Variants in SCO1 observed in about 807,000 individuals in gnomAD.
SCO1 encodes the protein synthesis of cytochrome C oxidase 1.
SCO1 carries 23 observed loss-of-function variants against 34.0 expected under a neutral mutation model. The observed-to-expected ratio is 0.68, with a 90% confidence interval of 0.49 to 0.96. The LOEUF (loss-of-function observed/expected upper bound fraction) is 0.96, where lower values mean the gene tolerates loss of function less well. SCO1 is among the 40% of genes least tolerant of loss of function. The pLI is 0.00. For missense variants in SCO1, 404 were observed against 381.6 expected (o/e 1.06, Z -0.49); for synonymous variants, 161 against 145.5 (o/e 1.11, Z -0.77).
rs1291013008 is a variant in SCO1 at position 10,697,517 on chromosome 17, A to T, written c.-10T>A. The T allele has an allele frequency of 6.2e-7, 1 of 1,612,994 alleles. No individual in the cohort carries two copies. Among genetic ancestry groups the T allele is most frequent in the African/African-American group, 1.3e-5 (1 of 74,930 alleles). On this transcript the variant is annotated 5_prime_UTR_variant, in exon 1 of 6. Transcript: ENST00000255390. ...GGACCAGCATCGCCATGAGCCTCGG[A>T]GACCGGGTCTCCTTTGACCCTCCCC...
chr17:10,677,732 G>T lies in SCO1; in HGVS notation c.*3387C>A, dbSNP rs1366861688. 6.6e-6 allele frequency: 1 copy of T among 152,112 alleles called. No homozygotes were observed. The highest frequency in any genetic ancestry group is 1.5e-5 in the Non-Finnish European group (1 of 68,018). 9.4% of individuals were successfully genotyped at this position (152,112 alleles called of 1,614,324 possible). A position where few individuals can be genotyped will look rare whatever the true frequency, so the allele number is the denominator to read the frequency against. On this transcript the variant is annotated 3_prime_UTR_variant, in exon 6 of 6. Transcript: ENST00000255390. ...TCTTATACTTTTCAAATAAACAAGT[G>T]GCATTTCTTAAAATATTAATTCTAT...
Position 10,697,519 on chromosome 17 carries a change from A to T in SCO1, c.-12T>A. ...ACCAGCATCGCCATGAGCCTCGGAG[A>T]CCGGGTCTCCTTTGACCCTCCCCGC... On this transcript the variant is annotated 5_prime_UTR_variant, in exon 1 of 6. Coordinates refer to ENST00000255390, the MANE Select transcript of SCO1 (RefSeq NM_004589.4). 2 of 1,612,994 alleles carry T rather than the reference A, an allele frequency of 1.2e-6. No individual in the cohort carries two copies. Among genetic ancestry groups the T allele is most frequent in the South Asian group, 2.2e-5 (2 of 90,976 alleles).
intron 4 of SCO1, 49 bp from the exon 5 acceptor site, chr17:10,686,891 A>C (rs1473412751): frequency 5.0e-6 from 6 of 1,206,186 alleles, no homozygotes; most frequent in African/African-American, 3.0e-5. Flanking sequence ...CCAGTAAAAC[A>C]ACCATCTCTA....
At chr17:10,681,394 T>G in intron 5 of SCO1, 141 bp from the exon 6 acceptor site, 1 of 932,964 alleles carries the variant, frequency 1.1e-6, no homozygotes, top group Non-Finnish European at 1.7e-6. Context: ...GGAATAGGCT[T>G]AAGTCTATCA....
At chr17:10,695,596 G>A (rs1200196993) in intron 2 of SCO1, 145 bp downstream of exon 2, 2 of 614,264 alleles carry the variant, frequency 3.3e-6, no homozygotes, top group Non-Finnish European at 5.8e-6. Flanking sequence ...CTGGGTGAAA[G>A]GTATGTAGAA....
intron 1 of SCO1, among the ~76,000 whole-genome samples, chr17:10,696,235 G>C (rs945896445): frequency 1.3e-5 from 2 of 151,972 alleles, no homozygotes; most frequent in African/African-American, 4.8e-5. Context: ...ACCTGAGGTC[G>C]GGAGTTTGAG....
Position 10,697,221 on chromosome 17 carries a change from A to C in SCO1, c.273+14T>G. On this transcript the variant is annotated intron_variant, in intron 1 of 5. Coordinates refer to ENST00000255390, the MANE Select transcript of SCO1 (RefSeq NM_004589.4). ...CCGCGACGAGCACCAGAAGGGTTCC[A>C]GGTGTGCACTCACCCCGGGCTTCGA... 1 of 1,533,670 alleles carries C rather than the reference A, an allele frequency of 6.5e-7. No homozygotes were observed. The highest frequency in any genetic ancestry group is 1.4e-5 in the African/African-American group (1 of 73,158).
chr17:10,678,252 GAACA>G lies in SCO1; in HGVS notation c.*2863_*2866del, dbSNP rs775664577. ...TCACCATAAGCGCACGATAGCAGCAGAACAAACAGGAACCTACCTAGAAATTGGG... is the reference window on the plus strand; with the variant it reads ...TCACCATAAGCGCACGATAGCAGCAGAACAGGAACCTACCTAGAAATTGGG... On this transcript the variant is annotated 3_prime_UTR_variant, in exon 6 of 6. Transcript: ENST00000255390. 3.3e-5 allele frequency: 5 copies of G among 152,226 alleles called. No individual in the cohort carries two copies. The highest frequency in any genetic ancestry group is 9.6e-5 in the African/African-American group (4 of 41,454). The allele number at this position is 152,226 out of a possible 1,614,324, so 9.4% of individuals were successfully genotyped here.
rs2662950 is a variant in SCO1, at chr17:10,687,126, G to A, written c.656-284C>T. Among the ~76,000 whole-genome samples the A allele has an allele frequency of 0.04, 6,107 of 152,160 alleles. 402 individuals carry two copies. Among genetic ancestry groups the A allele is most frequent in the African/African-American group, 0.13 (5,512 of 41,490 alleles). ...ATCACATTTTAAATTGATTTTTAAG[G>A]AGTAGTCACATGTAGTTCTCAGATA... On this transcript the variant is annotated intron_variant, in intron 4 of 5. Coordinates refer to ENST00000255390, the MANE Select transcript of SCO1 (RefSeq NM_004589.4).
chr17:10,696,169 G>T (rs1344110361), intron 1 of SCO1, among the ~76,000 whole-genome samples: 2 of 150,736 alleles, frequency 1.3e-5, no homozygotes, highest in African/African-American at 4.8e-5. Flanking sequence ...TTATGGCCGG[G>T]CGCGGTGGGT....
At chr17:10,684,704 T>G (rs1274325249) in intron 5 of SCO1, among the ~76,000 whole-genome samples, 1 of 152,260 alleles carries the variant, frequency 6.6e-6, no homozygotes, top group Non-Finnish European at 1.5e-5. Context: ...ACTCATTTAA[T>G]GCTGGAAATC....
chr17:10,687,449 G>C (rs1030847863), intron 4 of SCO1, among the ~76,000 whole-genome samples: 4 of 152,192 alleles, frequency 2.6e-5, no homozygotes, highest in Admixed American at 2.6e-4. Flanking sequence ...TAAGTGAACC[G>C]GTAGAGGTCA....
rs756211110 is a variant in SCO1 at position 10,681,177 on chromosome 17, T to C, written c.848A>G (p.Lys283Arg). 3.7e-5 allele frequency: 59 copies of C among 1,614,072 alleles called. No homozygotes were observed. In the South Asian group the frequency reaches 4.4e-4, roughly 12 times the overall value. Residue 283 changes from lysine (K) to arginine (R), a missense_variant, in exon 6 of 6, where the codon AAG becomes AGG. Physicochemically the swap from Lys to Arg is conservative, Grantham distance 26 (BLOSUM62 2). Transcript: ENST00000255390. ...GGCAATTGAAGCAGCTATTTCTCCCTTCCTCTTGTTCTGGCCAAAATAATC... is the reference window on the plus strand; with the variant it reads ...GGCAATTGAAGCAGCTATTTCTCCCCTCCTCTTGTTCTGGCCAAAATAATC... ...FLDYFGQNKR[K>R]GEIAASIATH...
chr17:10,687,129 T>C (rs989463060), intron 4 of SCO1, among the ~76,000 whole-genome samples: 1 of 152,136 alleles, frequency 6.6e-6, no homozygotes, highest in East Asian at 1.9e-4. Flanking sequence ...TTTTAAGGAG[T>C]AGTCACATGT....
chr17:10,695,338 C>G (rs1381461814), intron 2 of SCO1, among the ~76,000 whole-genome samples: 1 of 152,170 alleles, frequency 6.6e-6, no homozygotes, highest in African/African-American at 2.4e-5. Flanking sequence ...CTCAAAGGCT[C>G]GACTACATCT....
Position 10,674,986 on chromosome 17 carries a change from A to G in SCO1, c.*6133T>C, listed in dbSNP as rs2074571054. 1.3e-5 allele frequency: 2 copies of G among 152,256 alleles called. No individual in the cohort carries two copies. The highest frequency in any genetic ancestry group is 2.4e-5 in the African/African-American group (1 of 41,428). The allele number at this position is 152,256 out of a possible 1,614,324, so 9.4% of individuals were successfully genotyped here. On this transcript the variant is annotated 3_prime_UTR_variant, in exon 6 of 6. Coordinates refer to ENST00000255390, the MANE Select transcript of SCO1 (RefSeq NM_004589.4). ...GCTGCTGCTCACCACAGCAGCCAACAAGGAATGTGCCCACTCTCCCCTTCA... is the reference window on the plus strand; with the variant it reads ...GCTGCTGCTCACCACAGCAGCCAACGAGGAATGTGCCCACTCTCCCCTTCA...
Position 10,676,087 on chromosome 17 carries a change from T to A in SCO1, c.*5032A>T, listed in dbSNP as rs56077681. On this transcript the variant is annotated 3_prime_UTR_variant, in exon 6 of 6. Transcript: ENST00000255390. ...TGCTGTGCTGATGAAACTGTGGTTG[T>A]TTTTTTCTTTCTTTCTTTTTTGTTT... The A allele has an allele frequency of 0.46, 69,669 of 151,988 alleles. 16,201 individuals carry two copies. Among genetic ancestry groups the A allele is most frequent in the East Asian group, 0.54 (2,787 of 5,152 alleles). 9.4% of individuals were successfully genotyped at this position (151,988 alleles called of 1,614,324 possible). A position where few individuals can be genotyped will look rare whatever the true frequency, so the allele number is the denominator to read the frequency against.
rs2074692917 is a variant in SCO1 at position 10,691,972 on chromosome 17, A to G, written c.563-8T>C. On this transcript the variant is annotated splice_polypyrimidine_tract_variant and splice_region_variant and intron_variant, in intron 3 of 5. Coordinates refer to ENST00000255390, the MANE Select transcript of SCO1 (RefSeq NM_004589.4). ...GCAGAGTTGTAATGCTATCTGAAAGAGAGTTCCAATTAGTCCGTATTCACA... is the reference window on the plus strand; with the variant it reads ...GCAGAGTTGTAATGCTATCTGAAAGGGAGTTCCAATTAGTCCGTATTCACA... 6.3e-7 allele frequency: 1 copy of G among 1,595,650 alleles called. No homozygotes were observed. The highest frequency in any genetic ancestry group is 1.3e-5 in the African/African-American group (1 of 74,534).
rs961207765 is a variant in SCO1, at chr17:10,688,845, G to A, written c.656-2003C>T. Among the ~76,000 whole-genome samples, 30 of 141,084 alleles carry A rather than the reference G, an allele frequency of 2.1e-4. 1 individual carries two copies. The highest frequency in any genetic ancestry group is 2.1e-4 in the South Asian group (1 of 4,812). The allele number at this position is 141,084 out of a possible 152,430, so 92.6% of individuals were successfully genotyped here. Reference sequence around the variant, plus strand: ...GAAAGCAGTTCTGCAGGCCGGGCGCGGTGGCTCACGCCTGTAATCCCAGCA... The same window carrying A: ...GAAAGCAGTTCTGCAGGCCGGGCGCAGTGGCTCACGCCTGTAATCCCAGCA... On this transcript the variant is annotated intron_variant, in intron 4 of 5. Coordinates refer to ENST00000255390, the MANE Select transcript of SCO1 (RefSeq NM_004589.4).
Sources: gnomAD v4.1 joint callset for allele counts (sites outside exome capture counted in the v4.1 genomes callset) on GRCh38, gnomAD v4.1.1 for gene constraint, MANE v1.5 for transcripts, NCBI Gene and HGNC (gene_info 2026-07-23, HGNC 2026-07-21) for gene names.